Variants in BOLL observed in about 807,000 individuals in gnomAD.
BOLL encodes protein boule-like.
Under a neutral mutation model 44.4 loss-of-function variants are expected in BOLL, and 23 were observed. The ratio of observed to expected loss-of-function variants is 0.52; its 90% CI spans 0.37 to 0.73. The LOEUF (loss-of-function observed/expected upper bound fraction) is 0.73, where lower values mean the gene tolerates loss of function less well. Among genes scored for constraint, BOLL ranks in the 30% least tolerant of loss-of-function variants. The pLI is 0.00. For missense variants in BOLL, 287 were observed against 338.3 expected (o/e 0.85, Z 1.19); for synonymous variants, 97 against 110.8 (o/e 0.88, Z 0.78).
At chr2:197,744,803 T>A (rs979164310) in intron 9 of BOLL, among the ~76,000 whole-genome samples, 1 of 152,196 alleles carries the variant, frequency 6.6e-6, no homozygotes, top group Non-Finnish European at 1.5e-5. Flanking sequence ...ATAAGGAGAT[T>A]ATGAAAGCAA....
intron 6 of BOLL, among the ~76,000 whole-genome samples, chr2:197,767,942 G>C (rs186281420): frequency 3.2e-4 from 48 of 151,966 alleles, no homozygotes; most frequent in African/African-American, 1.0e-3. Context: ...CAATACTGTA[G>C]CAGAGACATG....
intron 4 of BOLL, among the ~76,000 whole-genome samples, chr2:197,776,461 T>G (rs963733549): frequency 3.3e-5 from 5 of 151,682 alleles, no homozygotes; most frequent in Non-Finnish European, 7.4e-5. Flanking sequence ...TGACCAGAGG[T>G]TCTTGGGAAC....
At chr2:197,729,269 C>G (rs1029198874) in intron 10 of BOLL, among the ~76,000 whole-genome samples, 18 of 152,218 alleles carry the variant, frequency 1.2e-4, no homozygotes, top group Admixed American at 7.9e-4. Context: ...GCTTAAAAAA[C>G]GGCGCACCAC....
rs755117105 is a variant in BOLL at position 197,728,479 on chromosome 2, T to C, written c.*76A>G. ...CAACGGGCAGCTTCTAGCTGGTTCG[T>C]TGAAGCTGGATCTCGGCCACGCAAG... On this transcript the variant is annotated 3_prime_UTR_variant, in exon 11 of 11. Coordinates refer to ENST00000392296, the MANE Select transcript of BOLL (RefSeq NM_033030.6). 8.7e-6 allele frequency: 14 copies of C among 1,612,020 alleles called. No individual in the cohort carries two copies. The highest frequency in any genetic ancestry group is 1.2e-5 in the Non-Finnish European group (14 of 1,178,238).
chr2:197,771,753 A>G, intron 6 of BOLL, 102 bp downstream of exon 6: 1 of 1,283,552 alleles, frequency 7.8e-7, no homozygotes, highest in Non-Finnish European at 1.0e-6. Context: ...GATGTGTGTT[A>G]TTATTTGTAA....
rs1422160997 is a variant in BOLL at position 197,766,592 on chromosome 2, T to C, written c.492A>G (p.Val164=). 8 of 1,612,122 alleles carry C rather than the reference T, an allele frequency of 5.0e-6. No homozygotes were observed. The Admixed American group carries it at 8.4e-5, about 17-fold the overall frequency. The part of the protein sequence containing the change: ...SVPPPWPSRS[V]CSSPVMVAQP... ...GAGCTACCATCACAGGGGAGCTACATACAGAACGTGACTATAAAAGGATGG... is the reference window on the plus strand; with the variant it reads ...GAGCTACCATCACAGGGGAGCTACACACAGAACGTGACTATAAAAGGATGG... The change falls in exon 7 of 11, where the codon GTA becomes GTG. Residue 164 remains valine (V), a synonymous_variant. Coordinates refer to ENST00000392296, the MANE Select transcript of BOLL (RefSeq NM_033030.6).
chr2:197,774,685 A>T (rs1176570780), intron 5 of BOLL: 1 of 151,934 alleles, frequency 6.6e-6, no homozygotes, highest in Non-Finnish European at 1.5e-5. Context: ...TAACCTTTGC[A>T]AGTAACAACA....
At chr2:197,786,182 T>C, upstream of BOLL, 1 of 884,602 alleles carries the variant, frequency 1.1e-6, no homozygotes, top group Non-Finnish European at 1.6e-6. The surrounding 1 kb of genome is among the most constrained non-coding windows in gnomAD (Gnocchi z 5.9). Context: ...ACCTGCCACC[T>C]GGCGGGTGGG....
intron 10 of BOLL, among the ~76,000 whole-genome samples, chr2:197,736,650 G>C (rs938664969): frequency 1.4e-4 from 22 of 152,186 alleles, no homozygotes; most frequent in African/African-American, 5.3e-4. Context: ...AAGGACATTT[G>C]GTGGGATGGG....
intron 7 of BOLL, among the ~76,000 whole-genome samples, chr2:197,764,850 C>T (rs1429576155): frequency 3.3e-5 from 5 of 152,090 alleles, no homozygotes; most frequent in Admixed American, 6.5e-5. Flanking sequence ...ACCCTAATCC[C>T]TTTTTTATAT....
chr2:197,763,197 A>T (rs1359275790), intron 7 of BOLL, among the ~76,000 whole-genome samples: 22 of 152,138 alleles, frequency 1.4e-4, no homozygotes, highest in Admixed American at 1.4e-3. Flanking sequence ...ACCTTAAGAA[A>T]CAAGGCCGGG....
chr2:197,759,213 G>T (rs1278840463), intron 7 of BOLL, among the ~76,000 whole-genome samples: 1 of 152,126 alleles, frequency 6.6e-6, no homozygotes, highest in Non-Finnish European at 1.5e-5. Context: ...ATCCAGGAGC[G>T]CAGCATGGAG....
At chr2:197,741,528 C>A (rs917531873) in intron 10 of BOLL, among the ~76,000 whole-genome samples, 1 of 152,202 alleles carries the variant, frequency 6.6e-6, no homozygotes, top group Non-Finnish European at 1.5e-5. Context: ...ACTATCTGAT[C>A]TTTGACAAGC....
chr2:197,743,229 C>T (rs2106327132), intron 9 of BOLL, 70 bp from the exon 10 acceptor site: 1 of 1,106,338 alleles, frequency 9.0e-7, no homozygotes, highest in East Asian at 2.8e-5. Context: ...TCAGCATTTA[C>T]AATATACTAA....
intron 9 of BOLL, among the ~76,000 whole-genome samples, chr2:197,747,317 C>T (rs1688031528): frequency 6.6e-6 from 1 of 151,958 alleles, no homozygotes; most frequent in Non-Finnish European, 1.5e-5. Flanking sequence ...GGCGCAGTGG[C>T]TCACGCCTGT....
intron 8 of BOLL, 103 bp downstream of exon 8, chr2:197,757,247 CAGA>C (rs1263455244): frequency 1.9e-5 from 17 of 887,366 alleles, no homozygotes; most frequent in African/African-American, 5.1e-5. Flanking sequence ...AGTTAATAAA[CAGA>C]AGAAGAAGGT....
chr2:197,759,091 G>T, intron 7 of BOLL: 1 of 1,044,448 alleles, frequency 9.6e-7, no homozygotes, highest in Non-Finnish European at 1.4e-6. Context: ...TCCCCACCCC[G>T]CCACAAGAAA....
chr2:197,781,625 G>A, intron 2 of BOLL, 97 bp downstream of exon 2: 3 of 1,166,232 alleles, frequency 2.6e-6, no homozygotes, highest in Non-Finnish European at 3.5e-6. Context: ...TAATCATTAT[G>A]CAAATATGTT....
In BOLL at chr2:197,781,757, G is replaced by A; in HGVS notation, c.94C>T (p.Pro32Ser). 1.3e-6 allele frequency: 2 copies of A among 1,583,698 alleles called. No homozygotes were observed. Among genetic ancestry groups the A allele is most frequent in the Non-Finnish European group, 1.7e-6 (2 of 1,159,914 alleles). ...TSAPRYGTVI[P>S]NRIFVGGIDF... ...ATTCCTCCTACAAAGATGCGATTAG[G>A]GATCACTGTTCCATATCTTGGGGCA... Residue 32 changes from proline (P) to serine (S), a missense_variant, in exon 2 of 11, where the codon CCT becomes TCT. By Grantham distance (74) the Pro-to-Ser change is moderately conservative. Coordinates refer to ENST00000392296, the MANE Select transcript of BOLL (RefSeq NM_033030.6).
Sources: gnomAD v4.1 joint callset for allele counts (sites outside exome capture counted in the v4.1 genomes callset) on GRCh38, gnomAD v4.1.1 for gene constraint, Gnocchi (gnomAD v3.1) non-coding constraint, MANE v1.5 for transcripts, NCBI Gene and HGNC (gene_info 2026-07-23, HGNC 2026-07-21) for gene names.